The following PRKN variants were observed in gnomAD, a reference collection of about 807,000 sequenced individuals.
PRKN encodes the protein E3 ubiquitin-protein ligase parkin.
PRKN carries 56 observed loss-of-function variants against 59.5 expected under a neutral mutation model. The observed-to-expected ratio is 0.94, with a 90% CI of 0.76 to 1.18. The LOEUF is 1.18. Ranked by LOEUF, PRKN falls within the 50% of genes most tolerant of loss-of-function variation. The pLI is 0.00. For missense variants in PRKN, 657 were observed against 596.4 expected (o/e 1.10, Z -1.06); for synonymous variants, 250 against 222.1 (o/e 1.13, Z -1.12).
chr6:162,213,521 T>C (rs1277284158), intron 3 of PRKN, among the ~76,000 whole-genome samples: 1 of 151,418 alleles, frequency 6.6e-6, no homozygotes, highest in Non-Finnish European at 1.5e-5. Context: ...AGCTCAGGAG[T>C]TCGAGATCAG....
chr6:161,393,943 G>A lies in PRKN; in HGVS notation c.1084-7066C>T, dbSNP rs1786630306. ...CATCAAAGGCATGAAGCACACATTT[G>A]TACTTCTTTGGGAATAGATGAAATA... On this transcript the variant is annotated intron_variant, in intron 9 of 11. Coordinates refer to ENST00000366898, the MANE Select transcript of PRKN (RefSeq NM_004562.3). This position sits in a 1 kb window ranked among gnomAD's most constrained non-coding sequence, Gnocchi z 4.7. Among the ~76,000 whole-genome samples the A allele has an allele frequency of 1.3e-5, 2 of 152,230 alleles. No individual in the cohort carries two copies. The highest frequency in any genetic ancestry group is 2.9e-5 in the Non-Finnish European group (2 of 68,022).
At chr6:161,485,920 G>C (rs573879513) in intron 9 of PRKN, among the ~76,000 whole-genome samples, 18 of 152,066 alleles carry the variant, frequency 1.2e-4, no homozygotes, top group African/African-American at 4.3e-4. Flanking sequence ...AAACATATAA[G>C]TTTATTTATC....
intron 1 of PRKN, among the ~76,000 whole-genome samples, chr6:162,543,861 G>A (rs1779017528): frequency 6.6e-6 from 1 of 152,146 alleles, no homozygotes; most frequent in Non-Finnish European, 1.5e-5. Flanking sequence ...ATGGCAAGGT[G>A]CAGGCCCAGC....
rs144692707 is a variant in PRKN, at chr6:161,857,690, T to C, written c.735-71782A>G. Among the ~76,000 whole-genome samples the C allele has an allele frequency of 5.8e-3, 880 of 152,288 alleles. 3 individuals carry two copies. The highest frequency in any genetic ancestry group is 9.0e-3 in the Non-Finnish European group (612 of 68,024). On this transcript the variant is annotated intron_variant, in intron 6 of 11. Coordinates refer to ENST00000366898, the MANE Select transcript of PRKN (RefSeq NM_004562.3). ...CAAAGCAGTTCTGGCCAACTCAGTT[T>C]AAAAAATAACAACATTGGTGTGTTA...
intron 2 of PRKN, among the ~76,000 whole-genome samples, chr6:162,287,219 T>C (rs1781232913): frequency 6.6e-6 from 1 of 152,142 alleles, no homozygotes; most frequent in South Asian, 2.1e-4. Flanking sequence ...CAGAGGAACA[T>C]ATCACAATTC....
intron 9 of PRKN, among the ~76,000 whole-genome samples, chr6:161,404,551 C>A (rs1787180454): frequency 6.6e-6 from 1 of 152,114 alleles, no homozygotes; most frequent in Admixed American, 6.5e-5. Context: ...GTCTCAGTGA[C>A]CCCAATGGCA....
intron 6 of PRKN, among the ~76,000 whole-genome samples, chr6:161,813,165 A>G (rs1352709811): frequency 2.6e-5 from 4 of 152,212 alleles, no homozygotes; most frequent in African/African-American, 9.6e-5. Flanking sequence ...TTTAACTGAC[A>G]GGAAGACAGT....
At chr6:162,023,780 C>T (rs1339097881) in intron 5 of PRKN, among the ~76,000 whole-genome samples, 1 of 152,094 alleles carries the variant, frequency 6.6e-6, no homozygotes, top group Non-Finnish European at 1.5e-5. Context: ...GAGCCGTAGC[C>T]AGGGACCACG....
In PRKN at chr6:161,785,782, C is replaced by T. The variant is rs1790388755; in HGVS notation, c.861G>A (p.Leu287=). 1 of 1,613,952 alleles carries T rather than the reference C, an allele frequency of 6.2e-7. No individual in the cohort carries two copies. The highest frequency in any genetic ancestry group is 1.3e-5 in the African/African-American group (1 of 75,042). ...FVHDPQLGYS[L]PCVAGCPNSL... Reference sequence around the variant, plus strand: ...ACATGCTAGACTTACCCACACAAGGCAGGGAGTAGCCAAGTTGAGGGTCGT... The same window carrying T: ...ACATGCTAGACTTACCCACACAAGGTAGGGAGTAGCCAAGTTGAGGGTCGT... The change falls in exon 7 of 12, where the codon CTG becomes CTA. Residue 287 remains leucine (L), a synonymous_variant. Coordinates refer to ENST00000366898, the MANE Select transcript of PRKN (RefSeq NM_004562.3).
chr6:162,420,101 T>C (rs1788876700), intron 2 of PRKN, among the ~76,000 whole-genome samples: 1 of 152,084 alleles, frequency 6.6e-6, no homozygotes, highest in Admixed American at 6.6e-5. Context: ...GGAATAATTA[T>C]ACAGCTCACC....
chr6:161,833,742 T>C (rs181761825), intron 6 of PRKN, among the ~76,000 whole-genome samples: 2 of 152,236 alleles, frequency 1.3e-5, no homozygotes, highest in African/African-American at 4.8e-5. Flanking sequence ...AGTTGTTGTG[T>C]CCGAGGCTAG....
intron 1 of PRKN, among the ~76,000 whole-genome samples, chr6:162,538,578 C>T (rs1195977417): frequency 6.6e-6 from 1 of 152,164 alleles, no homozygotes; most frequent in Admixed American, 6.6e-5. Context: ...CCTGCCCAGA[C>T]TGATTCCATG....
At chr6:161,756,442 G>GAA (rs57399165) in intron 7 of PRKN, among the ~76,000 whole-genome samples, 5 of 74,724 alleles carry the variant, frequency 6.7e-5, no homozygotes, top group African/African-American at 1.6e-4. Flanking sequence ...ACCTTGTCTC[G>GAA]AAAAAAAAAA....
chr6:162,372,444 T>C (rs978088747), intron 2 of PRKN, among the ~76,000 whole-genome samples: 6 of 152,176 alleles, frequency 3.9e-5, no homozygotes, highest in African/African-American at 1.4e-4. Flanking sequence ...ACGACAGCCC[T>C]GTAAGATGGT....
intron 1 of PRKN, among the ~76,000 whole-genome samples, chr6:162,524,299 A>G (rs1336820512): frequency 6.6e-6 from 1 of 152,198 alleles, no homozygotes; most frequent in Non-Finnish European, 1.5e-5. Context: ...TTCAACAAGC[A>G]TCTGGGATTG....
chr6:161,416,814 C>T (rs1283592343), intron 9 of PRKN, among the ~76,000 whole-genome samples: 1 of 152,162 alleles, frequency 6.6e-6, no homozygotes, highest in African/African-American at 2.4e-5. Context: ...ACCGAACTGT[C>T]ACCCGTCCTC....
At chr6:162,412,953 C>T (rs555662433) in intron 2 of PRKN, among the ~76,000 whole-genome samples, 1 of 152,272 alleles carries the variant, frequency 6.6e-6, no homozygotes, top group East Asian at 1.9e-4. Context: ...CTAGTGGTCT[C>T]TTAAACACAG....
chr6:161,679,481 G>GCCTCCCTC (rs1166222426), intron 7 of PRKN, among the ~76,000 whole-genome samples: 1 of 151,586 alleles, frequency 6.6e-6, no homozygotes, highest in Non-Finnish European at 1.5e-5. Context: ...TCCTAGTTAG[G>GCCTCCCTC]CCTCCCTCCC....
Position 161,757,886 on chromosome 6 carries a change from TACACACACAC to T in PRKN, c.871+27876_871+27885del, listed in dbSNP as rs373332894. On this transcript the variant is annotated intron_variant, in intron 7 of 11. Transcript: ENST00000366898. ...CTCTCTCTCTCTGTGTATATATATA[TACACACACAC>T]ACACACACACACACACACACACACA... is the stretch of plus-strand genomic sequence containing the variant. Among the ~76,000 whole-genome samples the T allele has an allele frequency of 8.9e-4, 104 of 116,246 alleles. 3 individuals carry two copies. Among genetic ancestry groups the T allele is most frequent in the African/African-American group, 3.1e-3 (85 of 27,680 alleles). The allele number at this position is 116,246 out of a possible 152,430, so 76.3% of individuals were successfully genotyped here. A position where few individuals can be genotyped will look rare whatever the true frequency, so the allele number is the denominator to read the frequency against.
Sources: gnomAD v4.1 joint callset for allele counts (sites outside exome capture counted in the v4.1 genomes callset) on GRCh38, gnomAD v4.1.1 for gene constraint, Gnocchi (gnomAD v3.1) non-coding constraint, MANE v1.5 for transcripts, NCBI Gene and HGNC (gene_info 2026-07-23, HGNC 2026-07-21) for gene names.